The following TLCD4 variants were observed in gnomAD, a reference collection of about 807,000 sequenced individuals.
TLCD4 encodes TLC domain containing 4.
A neutral mutation model predicts 24.2 loss-of-function variants in TLCD4; 7 were observed. That is an observed-to-expected ratio of 0.29 (90% CI 0.16 to 0.54). The LOEUF (loss-of-function observed/expected upper bound fraction) is 0.54. TLCD4 is among the 20% of genes least tolerant of loss of function. The pLI is 0.95. For missense variants in TLCD4, 259 were observed against 313.9 expected, an observed-to-expected ratio of 0.82 and a Z score of 1.32; for synonymous variants, 103 against 106.4, an observed-to-expected ratio of 0.97 and a Z score of 0.20.
rs1679190954 is a variant in TLCD4, at chr1:95,195,954, G to A, written c.*4086G>A. 6.6e-6 allele frequency: 1 copy of A among 152,024 alleles called. No homozygotes were observed. Among genetic ancestry groups the A allele is most frequent in the Non-Finnish European group, 1.5e-5 (1 of 68,002 alleles). The allele number at this position is 152,024 out of a possible 1,614,324, so 9.4% of individuals were successfully genotyped here. A position where few individuals can be genotyped will look rare whatever the true frequency, so the allele number is the denominator to read the frequency against. Reference sequence around the variant, plus strand: ...CTGTCAACTTTTGAGACCTCCCCATGTATCTATAAGCTTCCCAGTCTCTTA... The same window carrying A: ...CTGTCAACTTTTGAGACCTCCCCATATATCTATAAGCTTCCCAGTCTCTTA... On this transcript the variant is annotated 3_prime_UTR_variant, in exon 7 of 7. Transcript: ENST00000370203.
chr1:95,150,248 T>C lies in TLCD4; in HGVS notation c.286T>C (p.Ser96Pro), dbSNP rs1474841658. ...SLANVNIAIA[S>P]GYLISDLSII... ...TGCAAACGTGAATATTGCTATTGCC[T>C]CAGGCTACCTCATTTCTGGTATGTG... Residue 96 changes from serine to proline, a missense_variant, in exon 4 of 7, where the codon TCA becomes CCA. Transcript: ENST00000370203. 1 of 1,610,462 alleles carries C rather than the reference T, an allele frequency of 6.2e-7. No individual in the cohort carries two copies. Among genetic ancestry groups the C allele is most frequent in the Admixed American group, 1.7e-5 (1 of 59,730 alleles).
intron 1 of TLCD4, among the ~76,000 whole-genome samples, chr1:95,127,311 G>A (rs950842544): frequency 2.6e-5 from 4 of 152,126 alleles, no homozygotes; most frequent in African/African-American, 9.7e-5. Context: ...AAAAAAGAAG[G>A]CAGCAGGCAA....
chr1:95,092,574 C>T, the TLCD4 span, among the ~76,000 whole-genome samples: 2 of 152,286 alleles, frequency 1.3e-5, no homozygotes, highest in South Asian at 2.1e-4. Context: ...CTCTTTAGGT[C>T]TACACTGCTT....
chr1:95,161,723 A>T (rs1677815039), intron 5 of TLCD4, among the ~76,000 whole-genome samples: 1 of 152,190 alleles, frequency 6.6e-6, no homozygotes, highest in Non-Finnish European at 1.5e-5. Flanking sequence ...ATTGGTTTCA[A>T]AGAACATCTT....
the TLCD4 span, among the ~76,000 whole-genome samples, chr1:95,104,663 C>CAAAAAAAAAAAAAAAAAAAAAAAAAAA: frequency 4.7e-3 from 192 of 40,514 alleles, 21 homozygotes; most frequent in Middle Eastern, 0.014. Flanking sequence ...GACTCCGTCT[C>CAAAAAAAAAAAAAAAAAAAAAAAAAAA]AAAAAAAAAA....
chr1:95,162,555 T>C (rs1025112439), intron 5 of TLCD4, among the ~76,000 whole-genome samples: 3 of 152,232 alleles, frequency 2.0e-5, no homozygotes, highest in African/African-American at 7.2e-5. Context: ...TGATGTTAGC[T>C]GGTTATTTTG....
the TLCD4 span, among the ~76,000 whole-genome samples, chr1:95,093,186 C>T: frequency 6.6e-6 from 1 of 152,134 alleles, no homozygotes; most frequent in Non-Finnish European, 1.5e-5. Context: ...GAATAATGCA[C>T]AAGGAAGAAC....
chr1:95,162,728 C>T (rs1454818673), intron 5 of TLCD4, among the ~76,000 whole-genome samples: 1 of 152,170 alleles, frequency 6.6e-6, no homozygotes, highest in African/African-American at 2.4e-5. Context: ...ATTTGCTTGT[C>T]TGTAAAGGAT....
chr1:95,135,977 C>T (rs987065770), intron 1 of TLCD4, among the ~76,000 whole-genome samples: 5 of 151,962 alleles, frequency 3.3e-5, no homozygotes, highest in African/African-American at 4.8e-5. Flanking sequence ...TGGCCTTGAC[C>T]TCCCAAAGTG....
intron 4 of TLCD4, 142 bp from the exon 5 acceptor site, chr1:95,151,183 A>G: frequency 1.2e-6 from 1 of 803,890 alleles, no homozygotes; most frequent in Non-Finnish European, 2.0e-6. Context: ...AAAGTAGATA[A>G]TCAGACTAAC....
In TLCD4 at chr1:95,170,546, G is replaced by A. The variant is rs570051480; in HGVS notation, c.400-3270G>A. Among the ~76,000 whole-genome samples, 2 of 152,054 alleles carry A rather than the reference G, an allele frequency of 1.3e-5. 1 individual carries two copies. The highest frequency in any genetic ancestry group is 4.1e-4 in the South Asian group (2 of 4,822). ...GGGTTTCACTGTATTAGCCAGGATG[G>A]TCTCGATCTCCTGACCTTGTGATCC... is the stretch of plus-strand genomic sequence containing the variant. On this transcript the variant is annotated intron_variant, in intron 5 of 6. Transcript: ENST00000370203.
rs577076310 is a variant in TLCD4 at position 95,186,684 on chromosome 1, C to CT, written c.474-4864dup. On this transcript the variant is annotated intron_variant, in intron 6 of 6. Coordinates refer to ENST00000370203, the MANE Select transcript of TLCD4 (RefSeq NM_152487.3). ...AGGGAAGTCTTTGGAGAAGAGAAGG[C>CT]TTGAGGATCAGAGACCTGGATTAGA... 5.0e-4 allele frequency among the ~76,000 whole-genome samples: 76 copies of CT among 152,280 alleles called. 1 individual carries two copies. Among genetic ancestry groups the CT allele is most frequent in the Admixed American group, 3.9e-3 (59 of 15,310 alleles).
chr1:95,118,789 T>A (rs978717489), intron 1 of TLCD4, among the ~76,000 whole-genome samples: 1 of 152,324 alleles, frequency 6.6e-6, no homozygotes. Context: ...GCTTATCTTT[T>A]CCTTAAATTG....
the TLCD4 span, among the ~76,000 whole-genome samples, chr1:95,094,961 G>C: frequency 6.6e-6 from 1 of 152,302 alleles, no homozygotes; most frequent in East Asian, 1.9e-4. Context: ...GAGTTGTGGA[G>C]TCAGACTACA....
chr1:95,192,109 A>G lies in TLCD4; in HGVS notation c.*241A>G. On this transcript the variant is annotated 3_prime_UTR_variant, in exon 7 of 7. Coordinates refer to ENST00000370203, the MANE Select transcript of TLCD4 (RefSeq NM_152487.3). ...TCAGGAGTTCGAGACTAGCTTGGCC[A>G]ACATGGTGAAACCTCATCTCTACTA... The G allele has an allele frequency of 1.4e-6, 1 of 716,532 alleles. No individual in the cohort carries two copies. Among genetic ancestry groups the G allele is most frequent in the Non-Finnish European group, 2.0e-6 (1 of 508,456 alleles). 44.4% of individuals were successfully genotyped at this position (716,532 alleles called of 1,614,324 possible).
intron 6 of TLCD4, among the ~76,000 whole-genome samples, chr1:95,179,333 T>C (rs1678553785): frequency 6.6e-6 from 1 of 152,212 alleles, no homozygotes; most frequent in African/African-American, 2.4e-5. Context: ...CTAGGCCAGG[T>C]TGGCAAACCA....
At chr1:95,169,727 A>T (rs540387725) in intron 5 of TLCD4, among the ~76,000 whole-genome samples, 1 of 152,160 alleles carries the variant, frequency 6.6e-6, no homozygotes, top group Non-Finnish European at 1.5e-5. Flanking sequence ...CTAGGCTGGT[A>T]TGCAGTAGTG....
At chr1:95,101,726 G>A in the TLCD4 span, among the ~76,000 whole-genome samples, 11 of 152,152 alleles carry the variant, frequency 7.2e-5, no homozygotes, top group African/African-American at 2.7e-4. Context: ...TTTCCTGGTA[G>A]GAGAAATAAA....
intron 2 of TLCD4, 53 bp from the exon 3 acceptor site, chr1:95,148,649 A>C: frequency 1.2e-6 from 2 of 1,608,098 alleles, no homozygotes; most frequent in African/African-American, 1.3e-5. Context: ...TGTCAGGATT[A>C]AATTTTATTG....
Sources: gnomAD v4.1 joint callset for allele counts (sites outside exome capture counted in the v4.1 genomes callset) on GRCh38, gnomAD v4.1.1 for gene constraint, MANE v1.5 for transcripts, NCBI Gene and HGNC (gene_info 2026-07-23, HGNC 2026-07-21) for gene names.